BCAS3: variants seen among roughly 807,000 people sequenced by gnomAD.
The protein encoded by BCAS3 is BCAS4/BCAS3 fusion.
Under a neutral mutation model 116.1 loss-of-function variants are expected in BCAS3, and 53 were observed. That is an observed-to-expected ratio of 0.46 (90% CI 0.37 to 0.57). BCAS3 has a LOEUF of 0.57. Ranked by LOEUF, BCAS3 falls within the 20% of genes least tolerant of loss-of-function variation. The pLI, the probability that BCAS3 is intolerant of heterozygous loss-of-function variation, is 0.00. For synonymous variants in BCAS3, 391 were observed against 408.2 expected, an observed-to-expected ratio of 0.96 and a Z score of 0.51; for missense variants, 917 against 1,165.4, an observed-to-expected ratio of 0.79 and a Z score of 3.10.
Position 61,098,492 on chromosome 17 carries a change from A to G in BCAS3, c.2425+13928A>G, listed in dbSNP as rs985756128. ...GGCTTGTAATTGTGATTTTTCTAAT[A>G]CCAGAGTAGAATTCTGGGGAGGAAT... On this transcript the variant is annotated intron_variant, in intron 22 of 23. Transcript: ENST00000407086. This position sits in a 1 kb window ranked among gnomAD's most constrained non-coding sequence, Gnocchi z 4.2. 1.3e-5 allele frequency among the ~76,000 whole-genome samples: 2 copies of G among 152,178 alleles called. No homozygotes were observed. Among genetic ancestry groups the G allele is most frequent in the Admixed American group, 1.3e-4 (2 of 15,272 alleles).
intron 22 of BCAS3, among the ~76,000 whole-genome samples, chr17:61,330,314 AG>A (rs1378392149): frequency 7.0e-6 from 1 of 141,848 alleles, no homozygotes; most frequent in East Asian, 2.1e-4. Context: ...GGAGTAGTAC[AG>A]TGGCGCAATC....
At chr17:61,024,369 A>C (rs2066080507) in intron 16 of BCAS3, among the ~76,000 whole-genome samples, 1 of 152,174 alleles carries the variant, frequency 6.6e-6, no homozygotes, top group Non-Finnish European at 1.5e-5. Flanking sequence ...ACCAGGTTCT[A>C]ACCTTGTCTC....
At position 61,352,582 on chromosome 17, in the gene BCAS3, C is replaced by T. The variant is rs1426534385; in HGVS notation, c.2426-15745C>T. Among the ~76,000 whole-genome samples the T allele has an allele frequency of 6.6e-6, 1 of 152,176 alleles. No homozygotes were observed. The highest frequency in any genetic ancestry group is 2.4e-5 in the African/African-American group (1 of 41,450). On this transcript the variant is annotated intron_variant, in intron 22 of 23. Coordinates refer to ENST00000407086, the MANE Select transcript of BCAS3 (RefSeq NM_017679.5). The surrounding 1 kb of genome is among the most constrained non-coding windows in gnomAD (Gnocchi z 4.7). ...TGATGCTGACCCCACACTCGAGCCA[C>T]AGCCTCGGAATCTCTTTACCCGTAG...
intron 14 of BCAS3, among the ~76,000 whole-genome samples, chr17:60,979,556 GCATCC>G (rs1245218613): frequency 6.7e-6 from 1 of 148,624 alleles, no homozygotes; most frequent in African/African-American, 2.6e-5. Context: ...GTGAGAGAGG[GCATCC>G]CTGTCTTGTG....
At chr17:61,268,769 G>A (rs2049978762) in intron 22 of BCAS3, among the ~76,000 whole-genome samples, 1 of 151,990 alleles carries the variant, frequency 6.6e-6, no homozygotes, top group Admixed American at 6.6e-5. Flanking sequence ...TTTTGGCCAG[G>A]CCAGTTTCAA....
chr17:61,125,595 T>C (rs1357670687), intron 22 of BCAS3, among the ~76,000 whole-genome samples: 1 of 152,206 alleles, frequency 6.6e-6, no homozygotes, highest in African/African-American at 2.4e-5. Context: ...CAATAATCTA[T>C]GATGAAAATG....
intron 13 of BCAS3, among the ~76,000 whole-genome samples, chr17:60,935,909 A>C (rs550125322): frequency 6.6e-6 from 1 of 151,662 alleles, no homozygotes. Flanking sequence ...CACAACATGC[A>C]GGTTATTTAC....
chr17:60,772,873 A>AG (rs886985638), intron 6 of BCAS3, among the ~76,000 whole-genome samples: 1 of 152,160 alleles, frequency 6.6e-6, no homozygotes, highest in African/African-American at 2.4e-5. Context: ...ACTCAGTCTC[A>AG]GAAAAAAAAA....
At chr17:60,683,075 T>G (rs529349501) in intron 2 of BCAS3, among the ~76,000 whole-genome samples, 1 of 152,154 alleles carries the variant, frequency 6.6e-6, no homozygotes, top group South Asian at 2.1e-4. Flanking sequence ...CAGCTTTCCC[T>G]CATTTTTATG....
chr17:61,129,198 A>G (rs1458020212), intron 22 of BCAS3, among the ~76,000 whole-genome samples: 1 of 152,234 alleles, frequency 6.6e-6, no homozygotes, highest in Middle Eastern at 3.2e-3. Context: ...CAGAGATCTT[A>G]CAGGCAATTT....
Position 61,097,511 on chromosome 17 carries a change from T to C in BCAS3, c.2425+12947T>C, listed in dbSNP as rs1048689427. 1.3e-5 allele frequency among the ~76,000 whole-genome samples: 2 copies of C among 152,160 alleles called. No homozygotes were observed. The highest frequency in any genetic ancestry group is 2.9e-5 in the Non-Finnish European group (2 of 68,024). On this transcript the variant is annotated intron_variant, in intron 22 of 23. Coordinates refer to ENST00000407086, the MANE Select transcript of BCAS3 (RefSeq NM_017679.5). This position sits in a 1 kb window ranked among gnomAD's most constrained non-coding sequence, Gnocchi z 4.0. The stretch of plus-strand genomic sequence containing the variant: ...TATATTTAAGTGATGGTTTGGACTT[T>C]TGATAAAAAGAGAAATTGGAAAAGT...
rs561994907 is a variant in BCAS3 at position 61,198,110 on chromosome 17, A to G, written c.2425+113546A>G. On this transcript the variant is annotated intron_variant, in intron 22 of 23. Transcript: ENST00000407086. The surrounding 1 kb of genome is among the most constrained non-coding windows in gnomAD (Gnocchi z 5.0). The stretch of plus-strand genomic sequence containing the variant: ...CTTAGTGGATGTTTGCTGATATGCG[A>G]TTAAGATAAAGTGCAAGATATGTTT... 6.6e-6 allele frequency among the ~76,000 whole-genome samples: 1 copy of G among 151,556 alleles called. No homozygotes were observed. The highest frequency in any genetic ancestry group is 2.1e-4 in the South Asian group (1 of 4,792).
At chr17:61,121,838 C>T (rs1019248376) in intron 22 of BCAS3, among the ~76,000 whole-genome samples, 1 of 152,190 alleles carries the variant, frequency 6.6e-6, no homozygotes, top group Non-Finnish European at 1.5e-5. Context: ...TCAAGCAGTT[C>T]TCTGCCTCAG....
chr17:60,699,072 CAG>C (rs2036032560), intron 4 of BCAS3, among the ~76,000 whole-genome samples: 1 of 151,914 alleles, frequency 6.6e-6, no homozygotes, highest in African/African-American at 2.4e-5. Context: ...AAAACAAAAA[CAG>C]AACAAAAAAC....
intron 22 of BCAS3, among the ~76,000 whole-genome samples, chr17:61,359,595 A>G (rs891774904): frequency 5.3e-5 from 8 of 151,164 alleles, no homozygotes; most frequent in African/African-American, 1.9e-4. Context: ...AATTCAAGTG[A>G]TTTTCCTGCT....
At chr17:60,774,734 C>T (rs763593661) in intron 6 of BCAS3, among the ~76,000 whole-genome samples, 7 of 152,192 alleles carry the variant, frequency 4.6e-5, no homozygotes, top group Non-Finnish European at 8.8e-5. Flanking sequence ...GCCATCTGTC[C>T]TGACTATTCC....
At chr17:60,827,768 T>C (rs2050566199) in intron 7 of BCAS3, among the ~76,000 whole-genome samples, 2 of 152,184 alleles carry the variant, frequency 1.3e-5, no homozygotes. Flanking sequence ...GAAGCGTGTT[T>C]CTATGTAATA....
chr17:60,715,460 A>G (rs2038480032), intron 5 of BCAS3, among the ~76,000 whole-genome samples: 1 of 151,888 alleles, frequency 6.6e-6, no homozygotes, highest in African/African-American at 2.4e-5. Context: ...TTTAGTATTT[A>G]TTTCAATTAT....
intron 5 of BCAS3, among the ~76,000 whole-genome samples, chr17:60,746,438 A>G (rs551749188): frequency 1.3e-5 from 2 of 152,254 alleles, no homozygotes; most frequent in South Asian, 2.1e-4. Flanking sequence ...TTTTAAAAAA[A>G]TTTTTATCCC....
Sources: gnomAD v4.1 joint callset for allele counts (sites outside exome capture counted in the v4.1 genomes callset) on GRCh38, gnomAD v4.1.1 for gene constraint, Gnocchi (gnomAD v3.1) non-coding constraint, MANE v1.5 for transcripts, NCBI Gene and HGNC (gene_info 2026-07-23, HGNC 2026-07-21) for gene names.